Variants in BAAT observed in about 807,000 individuals in gnomAD.
The protein encoded by BAAT is bile acid-CoA:amino acid N-acyltransferase.
A neutral mutation model predicts 18.9 loss-of-function variants in BAAT; 13 were observed. The ratio of observed to expected loss-of-function variants is 0.69; its 90% confidence interval spans 0.45 to 1.10. The LOEUF (loss-of-function observed/expected upper bound fraction) is 1.10. Ranked by LOEUF, BAAT falls within the 50% of genes least tolerant of loss-of-function variation. BAAT has a pLI of 0.00. For synonymous variants in BAAT, 170 were observed against 190.7 expected (o/e 0.89, Z 0.89); for missense variants, 489 against 504.0 (o/e 0.97, Z 0.28).
rs998576281 is a variant in BAAT at position 101,360,545 on chromosome 9, G to A, written c.*1883C>T. ...ACAATCATGGCAGCAGGTGAACAGCGAGGAGGCATCTCACATGGCGAGAGA... is the reference window on the plus strand; with the variant it reads ...ACAATCATGGCAGCAGGTGAACAGCAAGGAGGCATCTCACATGGCGAGAGA... On this transcript the variant is annotated 3_prime_UTR_variant, in exon 4 of 4. Transcript: ENST00000259407. 1 of 152,254 alleles carries A rather than the reference G, an allele frequency of 6.6e-6. No homozygotes were observed. Among genetic ancestry groups the A allele is most frequent in the African/African-American group, 2.4e-5 (1 of 41,430 alleles). The allele number at this position is 152,254 out of a possible 1,614,324, so 9.4% of individuals were successfully genotyped here.
chr9:101,366,466 A>G (rs1433571966), intron 3 of BAAT, among the ~76,000 whole-genome samples: 5 of 152,280 alleles, frequency 3.3e-5, no homozygotes, highest in Non-Finnish European at 7.4e-5. Flanking sequence ...AAGTAGGTTT[A>G]ATGGAATTTC....
At chr9:101,383,133 T>C (rs185691665) in intron 1 of BAAT, among the ~76,000 whole-genome samples, 29 of 152,268 alleles carry the variant, frequency 1.9e-4, no homozygotes, top group Non-Finnish European at 3.1e-4. Context: ...GAAATATTGA[T>C]GGGGATGGGG....
At chr9:101,367,014 A>AG (rs1307302857) in intron 3 of BAAT, among the ~76,000 whole-genome samples, 5 of 150,348 alleles carry the variant, frequency 3.3e-5, no homozygotes, top group Non-Finnish European at 7.4e-5. Flanking sequence ...CAGGAGGCTA[A>AG]GGTAGGAAAA....
chr9:101,382,657 C>G (rs1361302825), intron 1 of BAAT, among the ~76,000 whole-genome samples: 3 of 152,138 alleles, frequency 2.0e-5, no homozygotes, highest in Non-Finnish European at 4.4e-5. Context: ...TCTTTTACTG[C>G]CTTATGCCCC....
chr9:101,379,034 A>T (rs541109217), intron 1 of BAAT, among the ~76,000 whole-genome samples: 1 of 152,208 alleles, frequency 6.6e-6, no homozygotes, highest in African/African-American at 2.4e-5. Context: ...CAATGAGATA[A>T]TATCTCATGC....
intron 1 of BAAT, among the ~76,000 whole-genome samples, chr9:101,372,460 C>A (rs1829969719): frequency 6.6e-6 from 1 of 152,204 alleles, no homozygotes; most frequent in Non-Finnish European, 1.5e-5. Flanking sequence ...ACAGGCCATT[C>A]AGGTACATAA....
intron 1 of BAAT, chr9:101,383,634 T>A (rs913474117): frequency 6.6e-6 from 1 of 152,194 alleles, no homozygotes; most frequent in Admixed American, 6.5e-5. Flanking sequence ...AGTTTCCTAT[T>A]AATTTTTAAC....
At chr9:101,368,887 A>G (rs76499564) in intron 2 of BAAT, among the ~76,000 whole-genome samples, 3,161 of 152,290 alleles carry the variant, frequency 0.021, 124 homozygotes, top group African/African-American at 0.072. Flanking sequence ...TGATTCAAAA[A>G]CATTTTTTAA....
At chr9:101,369,917 G>A (rs369811986) in intron 2 of BAAT, among the ~76,000 whole-genome samples, 10 of 152,104 alleles carry the variant, frequency 6.6e-5, no homozygotes, top group South Asian at 6.2e-4. Context: ...AACTATGAGC[G>A]TTCTGATAAG....
intron 1 of BAAT, among the ~76,000 whole-genome samples, chr9:101,383,141 G>T (rs965409073): frequency 5.3e-5 from 8 of 152,086 alleles, no homozygotes; most frequent in Non-Finnish European, 1.0e-4. Flanking sequence ...GATGGGGATG[G>T]GGAAGACAGA....
chr9:101,363,005 G>T lies in BAAT; in HGVS notation c.680C>A (p.Ser227Ter). The T allele has an allele frequency of 6.2e-7, 1 of 1,613,626 alleles. No individual in the cohort carries two copies. Among genetic ancestry groups the T allele is most frequent in the Middle Eastern group, 1.7e-4 (1 of 6,060 alleles). ...FLLRHPKVFG[S>*]GVGVVSVCQG... Reference sequence around the variant, plus strand: ...ACATACAGAGACTACCCCAACGCCTGAGCCAAAGACCTGAAAAAAATAATA... The same window carrying T: ...ACATACAGAGACTACCCCAACGCCTTAGCCAAAGACCTGAAAAAAATAATA... The change falls in exon 4 of 4, where the codon TCA becomes TAA. Residue 227 changes from serine to a stop codon, truncating the protein, a stop_gained. Coordinates refer to ENST00000259407, the MANE Select transcript of BAAT (RefSeq NM_001701.4). LOFTEE classifies it low-confidence loss of function (END_TRUNC).
chr9:101,362,620 T>G lies in BAAT; in HGVS notation c.1065A>C (p.Leu355=). 2.5e-6 allele frequency: 4 copies of G among 1,614,136 alleles called. No homozygotes were observed. Among genetic ancestry groups the G allele is most frequent in the Non-Finnish European group, 3.4e-6 (4 of 1,180,016 alleles). The change falls in exon 4 of 4, where the codon CTA becomes CTC. Residue 355 remains leucine, a synonymous_variant. Transcript: ENST00000259407. ...KRHGKNNWTL[L]SYPGAGHLIE... The stretch of plus-strand genomic sequence containing the variant: ...TCAGGTGGCCTGCCCCAGGGTAAGA[T>G]AGCAGGGTCCAGTTGTTCTTCCCAT...
rs543786788 is a variant in BAAT, at chr9:101,361,398, A to T, written c.*1030T>A. On this transcript the variant is annotated 3_prime_UTR_variant, in exon 4 of 4. Coordinates refer to ENST00000259407, the MANE Select transcript of BAAT (RefSeq NM_001701.4). ...TGATCAAAGCCTTATAGCAAAAAAA[A>T]TTTTTTAATATTTGCAAAGGACTGT... is the stretch of plus-strand genomic sequence containing the variant. The T allele has an allele frequency of 3.3e-4, 51 of 152,740 alleles. No individual in the cohort carries two copies. The highest frequency in any genetic ancestry group is 1.1e-3 in the African/African-American group (45 of 41,578). 9.5% of individuals were successfully genotyped at this position (152,740 alleles called of 1,614,324 possible).
At chr9:101,363,112 C>T in intron 3 of BAAT, 97 bp from the exon 4 acceptor site, 1 of 1,174,584 alleles carries the variant, frequency 8.5e-7, no homozygotes, top group Non-Finnish European at 1.2e-6. Flanking sequence ...CTAATGAGAA[C>T]AAAGCAAGTA....
rs886063283 is a variant in BAAT, at chr9:101,362,905, G to A, written c.780C>T (p.Thr260=). 5 of 1,613,966 alleles carry A rather than the reference G, an allele frequency of 3.1e-6. No homozygotes were observed. Among genetic ancestry groups the A allele is most frequent in the Middle Eastern group, 1.6e-4 (1 of 6,062 alleles). The change falls in exon 4 of 4, where the codon ACC becomes ACT. Residue 260 remains threonine (T), a synonymous_variant. Transcript: ENST00000259407. The part of the protein sequence containing the change: ...QVTATVLING[T]NFPFGIPQVY... ...CCTGTGGAATGCCAAAAGGAAAGTT[G>A]GTCCCATTAATAAGTACCGTGGCTG...
chr9:101,366,000 CT>C (rs1829819989), intron 3 of BAAT, among the ~76,000 whole-genome samples: 1 of 152,090 alleles, frequency 6.6e-6, no homozygotes, highest in Admixed American at 6.6e-5. Context: ...AAAATCTAAT[CT>C]TTTAGCAATT....
chr9:101,362,985 CAG>C lies in BAAT; in HGVS notation c.698_699del (p.Ser233CysfsTer25). ...KVFGSGVGVV[S>X]VCQGVQIGLS... ...AGTCCAATCTGTACTCCTTGACATA[CAG>C]AGACTACCCCAACGCCTGAGCCAAA... On this transcript the variant is annotated frameshift_variant, in exon 4 of 4. Transcript: ENST00000259407. LOFTEE classifies it low-confidence loss of function (END_TRUNC). The C allele has an allele frequency of 6.2e-7, 1 of 1,613,890 alleles. No individual in the cohort carries two copies. Among genetic ancestry groups the C allele is most frequent in the Non-Finnish European group, 8.5e-7 (1 of 1,179,944 alleles).
rs904281815 is a variant in BAAT, at chr9:101,371,038, T to G, written c.367A>C (p.Lys123Gln). 6 of 1,614,006 alleles carry G rather than the reference T, an allele frequency of 3.7e-6. No individual in the cohort carries two copies. In the African/African-American group the frequency reaches 6.7e-5, roughly 18 times the overall value. Residue 123 changes from lysine (K) to glutamine (Q), a missense_variant, in exon 2 of 4, where the codon AAG (lysine) becomes CAG (glutamine). By Grantham distance (53) the Lys-to-Gln change is moderately conservative. Coordinates refer to ENST00000259407, the MANE Select transcript of BAAT (RefSeq NM_001701.4). ...CACCTCTCCAAAGTCAGGCTGGCCT[T>G]TGGAGCACTGGCAACTTTATTGTTC... ...IVNNKVASAP[K>Q]ASLTLERWYV...
Position 101,362,358 on chromosome 9 carries a change from G to T in BAAT, c.*70C>A. 3.4e-6 allele frequency: 5 copies of T among 1,478,604 alleles called. No individual in the cohort carries two copies. Among genetic ancestry groups the T allele is most frequent in the Non-Finnish European group, 4.7e-6 (5 of 1,069,208 alleles). 91.6% of individuals were successfully genotyped at this position (1,478,604 alleles called of 1,614,324 possible). A position where few individuals can be genotyped will look rare whatever the true frequency, so the allele number is the denominator to read the frequency against. On this transcript the variant is annotated 3_prime_UTR_variant, in exon 4 of 4. Coordinates refer to ENST00000259407, the MANE Select transcript of BAAT (RefSeq NM_001701.4). ...GTGTGGCAGCTGGGGGAGACATTCC[G>T]CCATGAAAATTGAGAGAAGGTCCCG...
Sources: gnomAD v4.1 joint callset for allele counts (sites outside exome capture counted in the v4.1 genomes callset) on GRCh38, gnomAD v4.1.1 for gene constraint, MANE v1.5 for transcripts, NCBI Gene and HGNC (gene_info 2026-07-23, HGNC 2026-07-21) for gene names.